The following TTC27 variants were observed in gnomAD, a reference collection of about 807,000 sequenced individuals.
TTC27 encodes tetratricopeptide repeat protein 27.
A neutral mutation model predicts 115.9 loss-of-function variants in TTC27; 79 were observed. That is an observed-to-expected ratio of 0.68 (90% CI 0.57 to 0.82). The LOEUF (loss-of-function observed/expected upper bound fraction) is 0.82, where lower values mean the gene tolerates loss of function less well. TTC27 is among the 40% of genes least tolerant of loss of function. The pLI is 0.00. For synonymous variants in TTC27, 401 were observed against 356.0 expected, an observed-to-expected ratio of 1.13 and a Z score of -1.42; for missense variants, 1,054 against 993.1, an observed-to-expected ratio of 1.06 and a Z score of -0.82.
At chr2:32,765,995 T>C (rs1490789405) in intron 13 of TTC27, among the ~76,000 whole-genome samples, 1 of 152,150 alleles carries the variant, frequency 6.6e-6, no homozygotes, top group Non-Finnish European at 1.5e-5. Flanking sequence ...ATAAGGCCAT[T>C]TCGCTTTCTT....
At chr2:32,790,193 G>T (rs1477547735) in intron 16 of TTC27, among the ~76,000 whole-genome samples, 2 of 151,720 alleles carry the variant, frequency 1.3e-5, no homozygotes, top group Non-Finnish European at 2.9e-5. Flanking sequence ...GCAAAATTGT[G>T]TTCTGATTCC....
In TTC27 at chr2:32,701,081, A is replaced by G. The variant is rs144646246; in HGVS notation, c.1120-1726A>G. Among the ~76,000 whole-genome samples, 563 of 152,296 alleles carry G rather than the reference A, an allele frequency of 3.7e-3. 9 individuals are homozygous for G. The highest frequency in any genetic ancestry group is 0.032 in the Admixed American group (489 of 15,288). On this transcript the variant is annotated intron_variant, in intron 9 of 19. Coordinates refer to ENST00000317907, the MANE Select transcript of TTC27 (RefSeq NM_017735.5). ...AATATTTTAATTTGCAAAGTTAATT[A>G]TAGAAGAATAAGATTAGAATATATA...
rs527437797 is a variant in TTC27 at position 32,660,668 on chromosome 2, G to A, written c.641-3635G>A. On this transcript the variant is annotated intron_variant, in intron 5 of 19. Transcript: ENST00000317907. ...AGTTCTTTGTAGATTCTGGATATTA[G>A]CCCTTTGTTAGATGGGTAGATTGCA... 2.0e-3 allele frequency among the ~76,000 whole-genome samples: 306 copies of A among 152,240 alleles called. 1 individual carries two copies. Among genetic ancestry groups the A allele is most frequent in the African/African-American group, 7.1e-3 (293 of 41,536 alleles).
chr2:32,744,618 T>C (rs932493881), intron 12 of TTC27, among the ~76,000 whole-genome samples: 3 of 152,214 alleles, frequency 2.0e-5, no homozygotes, highest in African/African-American at 7.2e-5. Flanking sequence ...ATAAACAGTT[T>C]AGGGCTTACT....
intron 19 of TTC27, 74 bp from the exon 20 acceptor site, chr2:32,820,737 AACTCT>A: frequency 1.5e-6 from 2 of 1,310,144 alleles, no homozygotes. Context: ...AAGGTTTTTT[AACTCT>A]ATACTCTGTA....
chr2:32,672,319 A>AGATTGT lies in TTC27; in HGVS notation c.990_995dup (p.Asp330_Cys331dup), dbSNP rs1430470522. 6.2e-7 allele frequency: 1 copy of AGATTGT among 1,613,848 alleles called. No individual in the cohort carries two copies. The highest frequency in any genetic ancestry group is 2.2e-5 in the East Asian group (1 of 44,860). On this transcript the variant is annotated inframe_insertion, in exon 8 of 20. Coordinates refer to ENST00000317907, the MANE Select transcript of TTC27 (RefSeq NM_017735.5). ...CCATTCTGAATGACATAAAGTTAGC[A>AGATTGT]GATTGTGAACAGTTCCAGATGCCGG...
chr2:32,719,517 C>T (rs1371314683), intron 10 of TTC27, among the ~76,000 whole-genome samples: 1 of 152,156 alleles, frequency 6.6e-6, no homozygotes, highest in Non-Finnish European at 1.5e-5. Flanking sequence ...GAATTGCCTT[C>T]TGCATGTGGT....
chr2:32,637,417 C>T (rs1435995174), intron 3 of TTC27, among the ~76,000 whole-genome samples: 6 of 151,996 alleles, frequency 3.9e-5, no homozygotes, highest in South Asian at 2.1e-4. Context: ...CTGCAACCTC[C>T]GCCTCCCGGG....
chr2:32,713,011 A>C (rs1018483917), intron 10 of TTC27, among the ~76,000 whole-genome samples: 1 of 152,070 alleles, frequency 6.6e-6, no homozygotes, highest in Non-Finnish European at 1.5e-5. Flanking sequence ...TAATGGATTA[A>C]TGCCAGTATT....
intron 13 of TTC27, among the ~76,000 whole-genome samples, chr2:32,758,721 C>T (rs1031190809): frequency 2.0e-5 from 3 of 151,904 alleles, no homozygotes; most frequent in African/African-American, 7.2e-5. Flanking sequence ...AATTCACTTT[C>T]TATTACTTTA....
chr2:32,700,606 C>T (rs760876049), intron 9 of TTC27, among the ~76,000 whole-genome samples: 19 of 152,096 alleles, frequency 1.2e-4, no homozygotes, highest in Non-Finnish European at 2.2e-4. Context: ...GGTGCAATCT[C>T]GGCTCACTGC....
chr2:32,767,454 T>TG (rs1669672030), intron 13 of TTC27, among the ~76,000 whole-genome samples: 2 of 35,522 alleles, frequency 5.6e-5, no homozygotes, highest in Non-Finnish European at 6.5e-5. Flanking sequence ...TTTTTTTTTG[T>TG]TTTTTTTTTT....
intron 9 of TTC27, among the ~76,000 whole-genome samples, chr2:32,690,288 G>C (rs1666767738): frequency 6.6e-6 from 1 of 152,104 alleles, no homozygotes; most frequent in Non-Finnish European, 1.5e-5. Flanking sequence ...AGTTTTAAAA[G>C]CTTAATGGCA....
chr2:32,801,733 A>G (rs1670947616), intron 16 of TTC27, among the ~76,000 whole-genome samples: 1 of 152,168 alleles, frequency 6.6e-6, no homozygotes. Context: ...AGCAGAGGTG[A>G]CAGGCACAGA....
At chr2:32,648,709 A>G (rs115104962) in intron 4 of TTC27, among the ~76,000 whole-genome samples, 2,202 of 152,180 alleles carry the variant, frequency 0.014, 30 homozygotes, top group Middle Eastern at 0.027. Context: ...AGTCAAGACA[A>G]TGTCTAAAAT....
At chr2:32,796,820 G>A (rs1307594415) in intron 16 of TTC27, among the ~76,000 whole-genome samples, 1 of 151,994 alleles carries the variant, frequency 6.6e-6, no homozygotes, top group African/African-American at 2.4e-5. Context: ...CAATAGAATT[G>A]AACTAAAAGC....
intron 16 of TTC27, among the ~76,000 whole-genome samples, chr2:32,802,535 T>A (rs1670987188): frequency 6.6e-6 from 1 of 152,164 alleles, no homozygotes; most frequent in African/African-American, 2.4e-5. Flanking sequence ...CCATTGCAGT[T>A]TTATCTCCCC....
chr2:32,657,091 T>C (rs765992718), intron 5 of TTC27, among the ~76,000 whole-genome samples: 11 of 151,312 alleles, frequency 7.3e-5, no homozygotes, highest in Admixed American at 1.3e-4. Flanking sequence ...GTTCATGCCA[T>C]TCTCCTGCTT....
intron 9 of TTC27, among the ~76,000 whole-genome samples, chr2:32,693,314 T>C (rs1341235724): frequency 1.3e-5 from 2 of 152,208 alleles, no homozygotes; most frequent in South Asian, 2.1e-4. Context: ...GCTCATCAAA[T>C]TGGGGTCCCT....
Sources: gnomAD v4.1 joint callset for allele counts (sites outside exome capture counted in the v4.1 genomes callset) on GRCh38, gnomAD v4.1.1 for gene constraint, MANE v1.5 for transcripts, NCBI Gene and HGNC (gene_info 2026-07-23, HGNC 2026-07-21) for gene names.